The following TTLL7 variants were observed in gnomAD, a reference collection of about 807,000 sequenced individuals.
TTLL7 encodes the protein tubulin tyrosine ligase like 7.
In TTLL7, 53 loss-of-function variants were observed where a neutral mutation model predicts 120.2. The ratio of observed to expected loss-of-function variants is 0.44; its 90% confidence interval spans 0.35 to 0.55. The LOEUF (loss-of-function observed/expected upper bound fraction) is 0.55, where lower values mean the gene tolerates loss of function less well. Among genes scored for constraint, TTLL7 ranks in the 20% least tolerant of loss-of-function variants. TTLL7 has a pLI of 0.00. For synonymous variants in TTLL7, 353 were observed against 351.7 expected, an observed-to-expected ratio of 1.00 and a Z score of -0.04; for missense variants, 803 against 1,054.7, an observed-to-expected ratio of 0.76 and a Z score of 3.31.
intron 6 of TTLL7, chr1:83,946,044 A>C (rs761190130): frequency 9.9e-5 from 15 of 152,240 alleles, no homozygotes; most frequent in Middle Eastern, 3.4e-3. Flanking sequence ...TAGCATTTTA[A>C]ATTAAAATGA....
chr1:83,921,087 C>T lies in TTLL7; in HGVS notation c.1364G>A (p.Arg455Lys). ...TATACAAAAATAGCAGCACAGTTAC[C>T]TATAATTCCCCATATGTCGATTTTC... is the stretch of plus-strand genomic sequence containing the variant. ...EHENRHMGNY[R>K]RIYPPEDKAL... Residue 455 changes from arginine (R) to lysine (K), a missense_variant and splice_region_variant, in exon 12 of 21, where the codon AGA becomes AAA. Coordinates refer to ENST00000260505, the MANE Select transcript of TTLL7 (RefSeq NM_024686.6). The T allele has an allele frequency of 1.9e-6, 3 of 1,611,760 alleles. No individual in the cohort carries two copies. The highest frequency in any genetic ancestry group is 3.4e-5 in the Admixed American group (2 of 59,638).
chr1:83,948,856 A>T lies in TTLL7; in HGVS notation c.280-161T>A, dbSNP rs895771482. The T allele has an allele frequency of 8.0e-6, 4 of 500,488 alleles. No individual in the cohort carries two copies. In the Admixed American group the frequency reaches 1.1e-4, roughly 14 times the overall value. 31.0% of individuals were successfully genotyped at this position (500,488 alleles called of 1,614,324 possible). ...TAAATGACCTACAGTGAATTTGTAG[A>T]ATTAAAGAGTATGGTAATCAGAGAA... On this transcript the variant is annotated intron_variant, in intron 4 of 20. Transcript: ENST00000260505.
In TTLL7 at chr1:83,892,380, GAATATATATACGAA is replaced by G. The variant is rs1489570551; in HGVS notation, c.2209-1913_2209-1900del. ...TATGAATATATATACGAATATATAT[GAATATATATACGAA>G]TATATATGAACATATATATGAACAT... is the stretch of plus-strand genomic sequence containing the variant. On this transcript the variant is annotated intron_variant, in intron 18 of 20. Transcript: ENST00000260505. 9.1e-4 allele frequency among the ~76,000 whole-genome samples: 51 copies of G among 56,264 alleles called. 1 individual carries two copies. The highest frequency in any genetic ancestry group is 2.3e-3 in the African/African-American group (49 of 21,750). 36.9% of individuals were successfully genotyped at this position (56,264 alleles called of 152,430 possible). A position where few individuals can be genotyped will look rare whatever the true frequency, so the allele number is the denominator to read the frequency against.
intron 9 of TTLL7, among the ~76,000 whole-genome samples, chr1:83,932,546 G>A (rs1388000208): frequency 6.7e-6 from 1 of 148,382 alleles, no homozygotes; most frequent in East Asian, 2.0e-4. Context: ...GTTTAAAGTA[G>A]ATGTGACCAC....
Position 83,868,798 on chromosome 1 carries a change from T to C in TTLL7, c.*1164A>G, listed in dbSNP as rs1481172576. On this transcript the variant is annotated 3_prime_UTR_variant, in exon 21 of 21. Coordinates refer to ENST00000260505, the MANE Select transcript of TTLL7 (RefSeq NM_024686.6). ...ATACTTTCCAAATAAAAATGAGTGGTATAAGACATAAAAGCCATATAGAAA... is the reference window on the plus strand; with the variant it reads ...ATACTTTCCAAATAAAAATGAGTGGCATAAGACATAAAAGCCATATAGAAA... The C allele has an allele frequency of 6.6e-6, 1 of 152,128 alleles. No individual in the cohort carries two copies. Among genetic ancestry groups the C allele is most frequent in the Non-Finnish European group, 1.5e-5 (1 of 68,032 alleles). 9.4% of individuals were successfully genotyped at this position (152,128 alleles called of 1,614,324 possible).
chr1:83,874,923 G>C (rs1653788712), intron 20 of TTLL7, among the ~76,000 whole-genome samples: 1 of 151,840 alleles, frequency 6.6e-6, no homozygotes, highest in African/African-American at 2.4e-5. Flanking sequence ...TCAATAACAA[G>C]AATCTCTCTG....
At chr1:83,894,098 G>C (rs1331405733) in intron 18 of TTLL7, among the ~76,000 whole-genome samples, 1 of 151,948 alleles carries the variant, frequency 6.6e-6, no homozygotes, top group African/African-American at 2.4e-5. Context: ...CATGACTAAT[G>C]TGATATAAGA....
At chr1:83,890,755 T>G (rs1443571459) in intron 18 of TTLL7, among the ~76,000 whole-genome samples, 1 of 151,448 alleles carries the variant, frequency 6.6e-6, no homozygotes, top group East Asian at 1.9e-4. Flanking sequence ...AAAATAAAAT[T>G]CAAAAAGGAA....
At chr1:83,896,576 G>C (rs1371607572) in intron 18 of TTLL7, among the ~76,000 whole-genome samples, 1 of 152,038 alleles carries the variant, frequency 6.6e-6, no homozygotes, top group African/African-American at 2.4e-5. Context: ...CATCTTTGCT[G>C]ATGCAAAACG....
intron 20 of TTLL7, among the ~76,000 whole-genome samples, chr1:83,871,188 T>C (rs1229837987): frequency 1.3e-5 from 2 of 151,954 alleles, no homozygotes; most frequent in Non-Finnish European, 2.9e-5. Flanking sequence ...GCTAATTTTT[T>C]TCTTTGTATT....
At chr1:83,938,963 A>G (rs1396612098) in intron 7 of TTLL7, among the ~76,000 whole-genome samples, 2 of 152,186 alleles carry the variant, frequency 1.3e-5, no homozygotes, top group African/African-American at 2.4e-5. Flanking sequence ...GGCCTATGGT[A>G]TTGAAATTTT....
intron 10 of TTLL7, among the ~76,000 whole-genome samples, chr1:83,927,575 A>G (rs1215506665): frequency 1.3e-5 from 2 of 152,182 alleles, no homozygotes; most frequent in Non-Finnish European, 2.9e-5. Context: ...AACAGGAAAT[A>G]AGATAGAACA....
chr1:83,918,134 A>G lies in TTLL7; in HGVS notation c.1501-444T>C, dbSNP rs368554038. 4.3e-4 allele frequency among the ~76,000 whole-genome samples: 65 copies of G among 152,292 alleles called. 1 individual carries two copies. In the South Asian group the frequency reaches 0.013, roughly 30 times the overall value. Reference sequence around the variant, plus strand: ...ATTGGACTAACAGTTTCACTTAGAAACATTCTAATGTGAGTATTTGCTGAC... The same window carrying G: ...ATTGGACTAACAGTTTCACTTAGAAGCATTCTAATGTGAGTATTTGCTGAC... On this transcript the variant is annotated intron_variant, in intron 13 of 20. Coordinates refer to ENST00000260505, the MANE Select transcript of TTLL7 (RefSeq NM_024686.6).
At chr1:83,902,953 T>C (rs1028016448) in intron 18 of TTLL7, among the ~76,000 whole-genome samples, 1 of 151,986 alleles carries the variant, frequency 6.6e-6, no homozygotes, top group Non-Finnish European at 1.5e-5. Flanking sequence ...CATTAGCTCT[T>C]GCCTCGGTTA....
intron 6 of TTLL7, among the ~76,000 whole-genome samples, chr1:83,944,905 C>A (rs1410353038): frequency 1.3e-5 from 2 of 152,124 alleles, no homozygotes; most frequent in Non-Finnish European, 2.9e-5. Context: ...AGTTTTTATA[C>A]ACTACTGAAA....
At chr1:83,988,780 C>T (rs1652719536) in intron 1 of TTLL7, among the ~76,000 whole-genome samples, 1 of 152,046 alleles carries the variant, frequency 6.6e-6, no homozygotes, top group Non-Finnish European at 1.5e-5. Flanking sequence ...ACGATCTCAG[C>T]TCACTGCAGT....
At chr1:83,943,912 A>G (rs1571262825) in intron 6 of TTLL7, among the ~76,000 whole-genome samples, 1 of 152,324 alleles carries the variant, frequency 6.6e-6, no homozygotes, top group East Asian at 1.9e-4. Context: ...CTATGAGAAC[A>G]GTGTCTCACT....
chr1:83,945,510 T>C (rs953852776), intron 6 of TTLL7, among the ~76,000 whole-genome samples: 1 of 152,120 alleles, frequency 6.6e-6, no homozygotes, highest in African/African-American at 2.4e-5. Flanking sequence ...ACAATAACAG[T>C]TGGGTTCTTC....
intron 9 of TTLL7, among the ~76,000 whole-genome samples, chr1:83,931,007 T>G (rs969897112): frequency 6.6e-6 from 1 of 151,328 alleles, no homozygotes; most frequent in Non-Finnish European, 1.5e-5. Context: ...TTCTTGTTTT[T>G]TTTTTTTTAA....
Sources: gnomAD v4.1 joint callset for allele counts (sites outside exome capture counted in the v4.1 genomes callset) on GRCh38, gnomAD v4.1.1 for gene constraint, MANE v1.5 for transcripts, NCBI Gene and HGNC (gene_info 2026-07-23, HGNC 2026-07-21) for gene names.